The following CEP250 variants were observed in gnomAD, a reference collection of about 807,000 sequenced individuals.
CEP250 encodes the protein centrosomal protein 250, also known as centrosome-associated protein CEP250.
CEP250 carries 242 observed loss-of-function variants against 315.7 expected under a neutral mutation model. The observed-to-expected ratio is 0.77, with a 90% CI of 0.69 to 0.85. The LOEUF (loss-of-function observed/expected upper bound fraction) is 0.85, where lower values mean the gene tolerates loss of function less well. Ranked by LOEUF, CEP250 falls within the 40% of genes least tolerant of loss-of-function variation. CEP250 has a pLI of 0.00. For missense variants in CEP250, 2,515 were observed against 2,886.4 expected (o/e 0.87, Z 2.95); for synonymous variants, 1,088 against 1,175.0 (o/e 0.93, Z 1.51).
intron 14 of CEP250, 93 bp downstream of exon 14, chr20:35,474,145 TG>T: frequency 1.9e-6 from 2 of 1,080,792 alleles, no homozygotes; most frequent in Non-Finnish European, 2.6e-6. Context: ...AAGTAGAGTA[TG>T]TAGAAGTCTG....
At chr20:35,473,306 T>C (rs918277064) in intron 12 of CEP250, 68 bp from the exon 13 acceptor site, 3 of 1,431,586 alleles carry the variant, frequency 2.1e-6, no homozygotes, top group East Asian at 2.4e-5. Flanking sequence ...CCAGCCCCAC[T>C]TTCGGGGTTC....
intron 28 of CEP250, among the ~76,000 whole-genome samples, chr20:35,501,391 G>A (rs916991647): frequency 6.6e-6 from 1 of 152,106 alleles, no homozygotes; most frequent in Non-Finnish European, 1.5e-5. Flanking sequence ...TTTTGAGGCC[G>A]TTTGAGGGTT....
Position 35,509,184 on chromosome 20 carries a change from C to A in CEP250, c.7008+140C>A, listed in dbSNP as rs562622633. 4.2e-5 allele frequency: 29 copies of A among 683,298 alleles called. 1 individual carries two copies. The South Asian group carries it at 5.2e-4, about 12-fold the overall frequency. The allele number at this position is 683,298 out of a possible 1,614,324, so 42.3% of individuals were successfully genotyped here. ...CCTCCTGACTGCATTCTGCCCTGCT[C>A]GGCACAGCTCAGTCTGTCCCTGCCC... On this transcript the variant is annotated intron_variant, in intron 33 of 34. Coordinates refer to ENST00000397527, the MANE Select transcript of CEP250 (RefSeq NM_007186.6).
rs2063755814 is a variant in CEP250, at chr20:35,493,532, G to A, written c.2993G>A (p.Ser998Asn). ...GACCTTGCTGCCCTCCAAGAAGAGA[G>A]CAGCTCCCTGCTGCAGGATAAGATG... Reference protein sequence around the residue: ...RDDLAALQEESSSLLQDKMDL... With the variant: ...RDDLAALQEENSSLLQDKMDL... Residue 998 changes from serine (S) to asparagine (N), a missense_variant, in exon 23 of 35, where the codon AGC (serine) becomes AAC (asparagine). Transcript: ENST00000397527. The A allele has an allele frequency of 5.0e-6, 8 of 1,599,426 alleles. No homozygotes were observed. The highest frequency in any genetic ancestry group is 4.3e-6 in the Non-Finnish European group (5 of 1,174,118).
chr20:35,497,420 G>A (rs2063869946), intron 25 of CEP250, among the ~76,000 whole-genome samples: 1 of 152,178 alleles, frequency 6.6e-6, no homozygotes, highest in South Asian at 2.1e-4. Flanking sequence ...GCGCAGCGTC[G>A]AGGTTTCAGG....
intron 15 of CEP250, 182 bp from the exon 16 acceptor site, chr20:35,476,267 C>T: frequency 1.8e-6 from 1 of 547,246 alleles, no homozygotes; most frequent in Non-Finnish European, 3.3e-6. Context: ...TATCTCTATA[C>T]TGTGAGGTCC....
At chr20:35,478,641 T>C (rs1174289607) in intron 17 of CEP250, among the ~76,000 whole-genome samples, 1 of 152,228 alleles carries the variant, frequency 6.6e-6, no homozygotes, top group Non-Finnish European at 1.5e-5. Context: ...CTTCTCCTTA[T>C]ACTCTGATAG....
intron 30 of CEP250, among the ~76,000 whole-genome samples, chr20:35,507,379 A>G (rs1009677495): frequency 3.3e-5 from 5 of 152,148 alleles, no homozygotes; most frequent in African/African-American, 1.2e-4. Context: ...GAGTGGCTAT[A>G]TGGGCCACTG....
At chr20:35,505,652 C>A (rs1484456147) in intron 30 of CEP250, among the ~76,000 whole-genome samples, 252 of 102,960 alleles carry the variant, frequency 2.4e-3, no homozygotes, top group Middle Eastern at 5.8e-3. Context: ...GACTCCATCT[C>A]AAAAAAAAAA....
chr20:35,477,313 C>T (rs577434264), intron 16 of CEP250, among the ~76,000 whole-genome samples: 2 of 152,184 alleles, frequency 1.3e-5, no homozygotes, highest in South Asian at 2.1e-4. Flanking sequence ...CTTGGCTGCC[C>T]TGGGCTAGTT....
intron 30 of CEP250, among the ~76,000 whole-genome samples, chr20:35,507,297 GTA>G (rs1188842201): frequency 6.6e-6 from 1 of 152,214 alleles, no homozygotes; most frequent in Admixed American, 6.5e-5. Flanking sequence ...CATGGTGCAT[GTA>G]GTCGTTTTAT....
intron 9 of CEP250, among the ~76,000 whole-genome samples, chr20:35,468,534 G>A (rs1008575716): frequency 3.0e-4 from 45 of 152,172 alleles, no homozygotes; most frequent in Non-Finnish European, 6.3e-4. Context: ...CCTGTTGGAG[G>A]TACATACATA....
intron 14 of CEP250, 136 bp downstream of exon 14, chr20:35,474,188 TC>T: frequency 1.4e-6 from 1 of 725,010 alleles, no homozygotes; most frequent in African/African-American, 1.9e-5. Flanking sequence ...GCTTGCTGCT[TC>T]TTCCTTTGCA....
Position 35,503,823 on chromosome 20 carries a change from A to G in CEP250, c.5454A>G (p.Glu1818=), listed in dbSNP as rs2147164415. The change falls in exon 30 of 35, where the codon GAA becomes GAG. Residue 1818 remains glutamate (E), a synonymous_variant. Transcript: ENST00000397527. This position sits in a 1 kb window ranked among gnomAD's most constrained non-coding sequence, Gnocchi z 4.2. The stretch of plus-strand genomic sequence containing the variant: ...GAGCCCTAGCCCAGAGGGACCAGGA[A>G]CTGGAGGCTCTGCAGCAAGAACAGC... ...AQRALAQRDQ[E]LEALQQEQQQ... is the part of the protein sequence containing the mutation. The G allele has an allele frequency of 1.9e-6, 3 of 1,613,856 alleles. No homozygotes were observed. Among genetic ancestry groups the G allele is most frequent in the Non-Finnish European group, 2.5e-6 (3 of 1,179,968 alleles).
intron 22 of CEP250, among the ~76,000 whole-genome samples, chr20:35,492,606 G>T (rs964215781): frequency 2.0e-5 from 3 of 152,200 alleles, no homozygotes; most frequent in Non-Finnish European, 4.4e-5. Flanking sequence ...ACAAAAAGGA[G>T]GCAGTGTGGC....
chr20:35,509,022 C>T lies in CEP250; in HGVS notation c.6986C>T (p.Thr2329Met), dbSNP rs1057500684. Residue 2329 changes from threonine (T) to methionine (M), a missense_variant, in exon 33 of 35, where the codon ACG becomes ATG. Physicochemically the swap from Thr to Met is moderately conservative, Grantham distance 81. Transcript: ENST00000397527. ...GGGTCCCTAGAGATCAGCAAGGCCA[C>T]GGCTTCTTCACCCACACAGCAGGTT... The part of the protein sequence containing the change: ...QAGSLEISKA[T>M]ASSPTQQDGR... The T allele has an allele frequency of 3.9e-6, 6 of 1,556,874 alleles. No individual in the cohort carries two copies. Among genetic ancestry groups the T allele is most frequent in the South Asian group, 2.4e-5 (2 of 84,430 alleles).
chr20:35,479,201 C>T, intron 17 of CEP250, 30 bp from the exon 18 acceptor site: 1 of 1,603,740 alleles, frequency 6.2e-7, no homozygotes, highest in East Asian at 2.2e-5. Flanking sequence ...CCAGCCTCTG[C>T]TCCATCTCTC....
chr20:35,496,672 A>G lies in CEP250; in HGVS notation c.3263A>G (p.Asp1088Gly). The G allele has an allele frequency of 3.7e-6, 6 of 1,614,110 alleles. No homozygotes were observed. The highest frequency in any genetic ancestry group is 5.1e-6 in the Non-Finnish European group (6 of 1,179,982). ...RQQELSALRQ[D>G]MQEAQGEQKE... ...CAAGAGCTGAGTGCCCTGCGCCAGG[A>G]CATGCAGGAGGCCCAGGGAGAACAG... Residue 1088 changes from aspartate to glycine, a missense_variant, in exon 25 of 35, where the codon GAC becomes GGC. Physicochemically the swap from Asp to Gly is moderately conservative, Grantham distance 94. Transcript: ENST00000397527.
chr20:35,482,831 G>A (rs2063390291), intron 20 of CEP250, among the ~76,000 whole-genome samples: 1 of 152,074 alleles, frequency 6.6e-6, no homozygotes, highest in African/African-American at 2.4e-5. Flanking sequence ...CAAAGGGCTG[G>A]GATTAAAGGC....
Sources: gnomAD v4.1 joint callset for allele counts (sites outside exome capture counted in the v4.1 genomes callset) on GRCh38, gnomAD v4.1.1 for gene constraint, Gnocchi (gnomAD v3.1) non-coding constraint, MANE v1.5 for transcripts, NCBI Gene and HGNC (gene_info 2026-07-23, HGNC 2026-07-21) for gene names.